Variants in TNR observed in about 807,000 individuals in gnomAD.
The protein encoded by TNR is tenascin R, also known as tenascin-R.
Under a neutral mutation model 150.4 loss-of-function variants are expected in TNR, and 45 were observed. The observed-to-expected ratio is 0.30, with a 90% CI of 0.24 to 0.38. TNR has a LOEUF of 0.38. Ranked by LOEUF, TNR falls within the 10% of genes least tolerant of loss-of-function variation. TNR has a pLI of 1.00. For synonymous variants in TNR, 687 were observed against 678.4 expected (o/e 1.01, Z -0.20); for missense variants, 1,544 against 1,759.1 (o/e 0.88, Z 2.19).
intron 1 of TNR, among the ~76,000 whole-genome samples, chr1:175,718,682 T>C (rs2101942253): frequency 6.6e-6 from 1 of 152,212 alleles, no homozygotes; most frequent in African/African-American, 2.4e-5. Flanking sequence ...CCCTGAGGGG[T>C]CAGACAAACC....
chr1:175,363,942 T>C, intron 12 of TNR, 115 bp from the exon 13 acceptor site: 2 of 1,311,448 alleles, frequency 1.5e-6, no homozygotes, highest in Non-Finnish European at 1.0e-6. Flanking sequence ...GCAGACAAGA[T>C]CTTTCCATGT....
chr1:175,676,920 G>A (rs1665882660), intron 1 of TNR, among the ~76,000 whole-genome samples: 1 of 152,190 alleles, frequency 6.6e-6, no homozygotes, highest in African/African-American at 2.4e-5. Context: ...TAACCCTCCT[G>A]CGACACTGGG....
chr1:175,650,291 G>T (rs978738312), intron 1 of TNR, among the ~76,000 whole-genome samples: 1 of 152,104 alleles, frequency 6.6e-6, no homozygotes, highest in Non-Finnish European at 1.5e-5. Context: ...GCTGAGGCAC[G>T]AGCATCTCTT....
At position 175,635,269 on chromosome 1, in the gene TNR, C is replaced by T. The variant is rs116762576; in HGVS notation, c.-164-106900G>A. On this transcript the variant is annotated intron_variant, in intron 1 of 22. Transcript: ENST00000367674. The stretch of plus-strand genomic sequence containing the variant: ...TCGACTTTGAGCAGCTGGAGCAGCT[C>T]CATCTCGAGTGTGTTCACCAACATG... Among the ~76,000 whole-genome samples the T allele has an allele frequency of 2.8e-3, 432 of 152,300 alleles. 2 individuals carry two copies. Among genetic ancestry groups the T allele is most frequent in the Non-Finnish European group, 4.2e-3 (285 of 68,028 alleles).
At position 175,709,521 on chromosome 1, in the gene TNR, C is replaced by T. The variant is rs557945395; in HGVS notation, c.-165+33705G>A. 6.2e-4 allele frequency among the ~76,000 whole-genome samples: 95 copies of T among 152,184 alleles called. 5 individuals carry two copies. The highest frequency in any genetic ancestry group is 3.8e-4 in the Non-Finnish European group (26 of 68,038). ...TTGCTAAAGGCAGGGAAGTAAAACACATGTGTTGTAAAAAGAAATCATTTT... is the reference window on the plus strand; with the variant it reads ...TTGCTAAAGGCAGGGAAGTAAAACATATGTGTTGTAAAAAGAAATCATTTT... On this transcript the variant is annotated intron_variant, in intron 1 of 22. Transcript: ENST00000367674.
intron 9 of TNR, among the ~76,000 whole-genome samples, chr1:175,371,846 C>G (rs1652119369): frequency 6.6e-6 from 1 of 152,174 alleles, no homozygotes; most frequent in Non-Finnish European, 1.5e-5. Context: ...ATCCCTGAGT[C>G]TTACAGGCCA....
chr1:175,400,712 T>C (rs1337583762), intron 4 of TNR, among the ~76,000 whole-genome samples: 3 of 152,190 alleles, frequency 2.0e-5, no homozygotes, highest in Non-Finnish European at 4.4e-5. Flanking sequence ...CTCAGTGTTT[T>C]CACCTTCCTA....
At chr1:175,740,555 C>T (rs565237816) in intron 1 of TNR, among the ~76,000 whole-genome samples, 3 of 152,136 alleles carry the variant, frequency 2.0e-5, no homozygotes, top group Non-Finnish European at 4.4e-5. Context: ...CTCATCTCCC[C>T]AGTCCTGGGT....
intron 1 of TNR, among the ~76,000 whole-genome samples, chr1:175,562,045 G>A (rs1661451226): frequency 6.6e-6 from 1 of 152,166 alleles, no homozygotes; most frequent in Admixed American, 6.5e-5. Context: ...TGTGGAAGAA[G>A]GATAAGAGGG....
intron 2 of TNR, among the ~76,000 whole-genome samples, chr1:175,458,845 T>G (rs1185781819): frequency 6.6e-6 from 1 of 152,116 alleles, no homozygotes; most frequent in Admixed American, 6.5e-5. Flanking sequence ...CCACGGCCAT[T>G]ATCACCATCA....
Position 175,407,196 on chromosome 1 carries a change from T to C in TNR, c.-63-419A>G, listed in dbSNP as rs145104973. 6.2e-3 allele frequency among the ~76,000 whole-genome samples: 939 copies of C among 152,234 alleles called. 7 individuals are homozygous for C. The highest frequency in any genetic ancestry group is 0.021 in the African/African-American group (882 of 41,532). On this transcript the variant is annotated intron_variant, in intron 2 of 22. Transcript: ENST00000367674. ...CCTCTCCTATTTCCCCAGATATTTA[T>C]TGCAAAGGGACTCTGCCAGCCACTT...
intron 1 of TNR, among the ~76,000 whole-genome samples, chr1:175,536,742 T>A (rs1327908694): frequency 6.6e-6 from 1 of 152,136 alleles, no homozygotes; most frequent in African/African-American, 2.4e-5. Context: ...TGGGCTGAGG[T>A]TTTTGGTCAT....
intron 1 of TNR, among the ~76,000 whole-genome samples, chr1:175,721,420 G>A (rs1486088214): frequency 1.7e-4 from 26 of 152,158 alleles, no homozygotes; most frequent in Admixed American, 1.7e-3. Context: ...GCCGAGTTGT[G>A]CTATGCTCTT....
intron 2 of TNR, among the ~76,000 whole-genome samples, chr1:175,492,615 G>A (rs1658306519): frequency 6.6e-6 from 1 of 152,158 alleles, no homozygotes; most frequent in Admixed American, 6.5e-5. Context: ...GCCTGAGAGA[G>A]TTTGGAGGGT....
intron 1 of TNR, among the ~76,000 whole-genome samples, chr1:175,663,166 T>G (rs1665428049): frequency 6.6e-6 from 1 of 152,186 alleles, no homozygotes; most frequent in Admixed American, 6.5e-5. Context: ...AGAGACCTCC[T>G]TCAGCTCCCC....
chr1:175,706,454 A>T (rs1298262561), intron 1 of TNR, among the ~76,000 whole-genome samples: 1 of 152,184 alleles, frequency 6.6e-6, no homozygotes, highest in Non-Finnish European at 1.5e-5. Flanking sequence ...AAAAGATGAC[A>T]GGAAGGCATC....
intron 1 of TNR, among the ~76,000 whole-genome samples, chr1:175,628,229 C>A (rs1369237450): frequency 6.6e-6 from 1 of 152,170 alleles, no homozygotes; most frequent in Non-Finnish European, 1.5e-5. Context: ...GTTTATCTTT[C>A]TCCCCAGGGT....
At chr1:175,471,099 G>A (rs930998245) in intron 2 of TNR, among the ~76,000 whole-genome samples, 2 of 152,220 alleles carry the variant, frequency 1.3e-5, no homozygotes, top group Non-Finnish European at 2.9e-5. Flanking sequence ...TCAGCGAAGA[G>A]AGAAGGGCAA....
In TNR at chr1:175,437,291, G is replaced by A. The variant is rs566533698; in HGVS notation, c.-63-30514C>T. ...CCTGAATGACTACTGGGTACATAAC[G>A]AAATGAAGGCAGAAATAAAGATGTT... On this transcript the variant is annotated intron_variant, in intron 2 of 22. Coordinates refer to ENST00000367674, the MANE Select transcript of TNR (RefSeq NM_003285.3). 9.2e-5 allele frequency among the ~76,000 whole-genome samples: 14 copies of A among 152,236 alleles called. No homozygotes were observed. The South Asian group carries it at 1.5e-3, about 16-fold the overall frequency.
Sources: gnomAD v4.1 joint callset for allele counts (sites outside exome capture counted in the v4.1 genomes callset) on GRCh38, gnomAD v4.1.1 for gene constraint, MANE v1.5 for transcripts, NCBI Gene and HGNC (gene_info 2026-07-23, HGNC 2026-07-21) for gene names.